ZBTB7C: variants seen among roughly 807,000 people sequenced by gnomAD.
The protein encoded by ZBTB7C is zinc finger and BTB domain containing 7C.
A neutral mutation model predicts 25.7 loss-of-function variants in ZBTB7C; 8 were observed. The ratio of observed to expected loss-of-function variants is 0.31; its 90% CI spans 0.18 to 0.56. The LOEUF (loss-of-function observed/expected upper bound fraction) is 0.56. ZBTB7C is among the 20% of genes least tolerant of loss of function. ZBTB7C has a pLI of 0.91. For synonymous variants in ZBTB7C, 394 were observed against 369.0 expected (o/e 1.07, Z -0.78); for missense variants, 824 against 855.2 (o/e 0.96, Z 0.46).
intron 2 of ZBTB7C, among the ~76,000 whole-genome samples, chr18:48,327,812 C>T (rs967751417): frequency 6.7e-6 from 1 of 150,024 alleles, no homozygotes; most frequent in Non-Finnish European, 1.5e-5. Flanking sequence ...CCCAGATGTC[C>T]ATACATGAGG....
At chr18:48,103,134 ATCTATCT>A (rs2038906675) in intron 3 of ZBTB7C, among the ~76,000 whole-genome samples, 1 of 147,348 alleles carries the variant, frequency 6.8e-6, no homozygotes, top group African/African-American at 2.5e-5. Flanking sequence ...CTATCTATCT[ATCTATCT>A]ATCTATCTAT....
At chr18:48,214,396 TC>T (rs1240131889) in intron 2 of ZBTB7C, among the ~76,000 whole-genome samples, 1 of 152,206 alleles carries the variant, frequency 6.6e-6, no homozygotes, top group Non-Finnish European at 1.5e-5. Flanking sequence ...GCAGTGTTTG[TC>T]CTTTTGCATT....
rs375740364 is a variant in ZBTB7C at position 48,383,957 on chromosome 18, C to A, written c.-304+25269G>T. On this transcript the variant is annotated intron_variant, in intron 1 of 4. Coordinates refer to ENST00000590800, the MANE Select transcript of ZBTB7C (RefSeq NM_001318841.2). ...AAAGATAATCCTGGGGACGAAATAA[C>A]TTTAGGGATCAGAACTAGTGGGGAC... 1.3e-3 allele frequency among the ~76,000 whole-genome samples: 201 copies of A among 152,306 alleles called. 1 individual carries two copies. Among genetic ancestry groups the A allele is most frequent in the African/African-American group, 4.7e-3 (194 of 41,568 alleles).
chr18:48,148,857 G>A (rs1464290128), intron 3 of ZBTB7C: 2 of 152,194 alleles, frequency 1.3e-5, no homozygotes, highest in Non-Finnish European at 2.9e-5. Flanking sequence ...TTGTAAAGAA[G>A]AATCATCTTA....
intron 3 of ZBTB7C, among the ~76,000 whole-genome samples, chr18:48,114,353 G>A (rs909715987): frequency 3.9e-5 from 6 of 152,186 alleles, no homozygotes; most frequent in Non-Finnish European, 5.9e-5. Context: ...TGTAATCCCA[G>A]CACTTTGGGA....
intron 2 of ZBTB7C, among the ~76,000 whole-genome samples, chr18:48,218,797 C>G (rs942762667): frequency 6.6e-6 from 1 of 152,198 alleles, no homozygotes; most frequent in Non-Finnish European, 1.5e-5. Context: ...CAGGCCTGCC[C>G]TGCTACAGCT....
At chr18:48,185,160 C>CGT (rs2145126528) in intron 3 of ZBTB7C, among the ~76,000 whole-genome samples, 1 of 152,230 alleles carries the variant, frequency 6.6e-6, no homozygotes, top group East Asian at 1.9e-4. Flanking sequence ...CATGCCTACA[C>CGT]CATCCTCCAC....
chr18:48,146,873 T>C (rs1248234669), intron 3 of ZBTB7C, among the ~76,000 whole-genome samples: 2 of 152,258 alleles, frequency 1.3e-5, no homozygotes, highest in Non-Finnish European at 2.9e-5. Flanking sequence ...TCACCAAATT[T>C]CCTTGTCAAA....
At chr18:48,311,207 T>C (rs1388386743) in intron 2 of ZBTB7C, among the ~76,000 whole-genome samples, 1 of 152,152 alleles carries the variant, frequency 6.6e-6, no homozygotes, top group Non-Finnish European at 1.5e-5. Flanking sequence ...GTCTGTTCTC[T>C]TGTCTTTCTC....
intron 2 of ZBTB7C, among the ~76,000 whole-genome samples, chr18:48,276,260 C>G (rs1391434351): frequency 6.7e-6 from 1 of 149,400 alleles, no homozygotes; most frequent in Admixed American, 6.7e-5. Flanking sequence ...GCAGGTATGT[C>G]CTAAGCTTTC....
At chr18:48,202,270 C>T (rs2042468971) in intron 2 of ZBTB7C, among the ~76,000 whole-genome samples, 2 of 152,152 alleles carry the variant, frequency 1.3e-5, no homozygotes. Context: ...AGCCCAAAGC[C>T]TCATGGGCAG....
At chr18:48,341,703 C>T (rs982789552) in intron 1 of ZBTB7C, among the ~76,000 whole-genome samples, 5 of 152,214 alleles carry the variant, frequency 3.3e-5, no homozygotes, top group South Asian at 2.1e-4. Flanking sequence ...TATTCAAAGC[C>T]GGGATCAGTT....
intron 1 of ZBTB7C, among the ~76,000 whole-genome samples, chr18:48,341,042 C>T (rs2046588158): frequency 6.6e-6 from 1 of 152,172 alleles, no homozygotes; most frequent in African/African-American, 2.4e-5. Context: ...CACAGTGCCA[C>T]CACTCTACAA....
At chr18:48,055,628 G>T (rs567953259) in intron 3 of ZBTB7C, among the ~76,000 whole-genome samples, 2 of 152,150 alleles carry the variant, frequency 1.3e-5, no homozygotes, top group East Asian at 3.9e-4. Context: ...ACTCTCAGGA[G>T]ACAGGAGCCT....
chr18:48,094,917 C>T (rs1353731603), intron 3 of ZBTB7C, among the ~76,000 whole-genome samples: 1 of 152,178 alleles, frequency 6.6e-6, no homozygotes, highest in African/African-American at 2.4e-5. Flanking sequence ...TGATAAAAGG[C>T]AGTGTCCAAC....
chr18:48,044,860 G>A (rs1024967667), intron 3 of ZBTB7C, among the ~76,000 whole-genome samples: 2 of 152,332 alleles, frequency 1.3e-5, no homozygotes, highest in South Asian at 2.1e-4. Context: ...TCACAATAAC[G>A]CATTTAGCTC....
At chr18:48,033,014 T>G (rs7232879) in intron 4 of ZBTB7C, among the ~76,000 whole-genome samples, 1,827 of 152,272 alleles carry the variant, frequency 0.012, 44 homozygotes, top group African/African-American at 0.042. Flanking sequence ...GCATATGGTA[T>G]AGAGGTAGGG....
chr18:48,037,659 C>A (rs1238537329), intron 4 of ZBTB7C, among the ~76,000 whole-genome samples: 1 of 152,190 alleles, frequency 6.6e-6, no homozygotes, highest in Non-Finnish European at 1.5e-5. Context: ...GCCAGCAGGG[C>A]CACCGTGCGA....
chr18:48,222,548 A>T (rs963303864), intron 2 of ZBTB7C, among the ~76,000 whole-genome samples: 5 of 152,178 alleles, frequency 3.3e-5, no homozygotes, highest in Non-Finnish European at 7.4e-5. Context: ...ACATTCATCG[A>T]TTGAGAAAAT....
Sources: allele counts gnomAD v4.1 joint callset (sites outside exome capture counted in the v4.1 genomes callset), GRCh38; gene constraint gnomAD v4.1.1; transcripts MANE v1.5; gene names NCBI Gene and HGNC (gene_info 2026-07-23, HGNC 2026-07-21).